CPED1: variants seen among roughly 807,000 people sequenced by gnomAD.
CPED1 encodes cadherin-like and PC-esterase domain-containing protein 1.
A neutral mutation model predicts 128.2 loss-of-function variants in CPED1; 114 were observed. The observed-to-expected ratio is 0.89, with a 90% CI of 0.76 to 1.04. The LOEUF (loss-of-function observed/expected upper bound fraction) is 1.04. Ranked by LOEUF, CPED1 falls within the 50% of genes least tolerant of loss-of-function variation. CPED1 has a pLI of 0.00. For synonymous variants in CPED1, 462 were observed against 426.7 expected (o/e 1.08, Z -1.02); for missense variants, 1,211 against 1,207.1 (o/e 1.00, Z -0.05).
chr7:121,004,609 A>G (rs1018093720), intron 2 of CPED1, among the ~76,000 whole-genome samples: 1 of 152,158 alleles, frequency 6.6e-6, no homozygotes, highest in Non-Finnish European at 1.5e-5. Flanking sequence ...CAAACTGGGC[A>G]GGATGGAGGT....
At chr7:121,040,885 G>A (rs1563002269) in intron 3 of CPED1, among the ~76,000 whole-genome samples, 1 of 151,900 alleles carries the variant, frequency 6.6e-6, no homozygotes, top group Non-Finnish European at 1.5e-5. Context: ...TATTCTAGAA[G>A]CTCTTGGACA....
chr7:121,023,637 T>C (rs1432294983), intron 3 of CPED1, among the ~76,000 whole-genome samples: 1 of 152,098 alleles, frequency 6.6e-6, no homozygotes, highest in Non-Finnish European at 1.5e-5. Context: ...AAGAGAGAAA[T>C]AGCAGTCAAG....
At chr7:121,148,596 A>G (rs1019079275) in intron 16 of CPED1, among the ~76,000 whole-genome samples, 1 of 152,176 alleles carries the variant, frequency 6.6e-6, no homozygotes, top group African/African-American at 2.4e-5. Flanking sequence ...GAACAACTAA[A>G]GAAATAGGAG....
intron 21 of CPED1, among the ~76,000 whole-genome samples, chr7:121,269,663 T>G (rs997735481): frequency 6.6e-6 from 1 of 152,094 alleles, no homozygotes; most frequent in Non-Finnish European, 1.5e-5. Context: ...ATCTGTTAAT[T>G]TTTTACTTTT....
In CPED1 at chr7:121,217,775, T is replaced by C. The variant is rs141528545; in HGVS notation, c.2056-18939T>C. Among the ~76,000 whole-genome samples the C allele has an allele frequency of 3.5e-3, 538 of 152,124 alleles. 9 individuals carry two copies. Among genetic ancestry groups the C allele is most frequent in the African/African-American group, 0.012 (512 of 41,534 alleles). On this transcript the variant is annotated intron_variant, in intron 16 of 22. Coordinates refer to ENST00000310396, the MANE Select transcript of CPED1 (RefSeq NM_024913.5). ...CTGTACCTCACAGCACCTGAAAGCC[T>C]GTATAGAAGAATTTAATATATCACT...
intron 16 of CPED1, among the ~76,000 whole-genome samples, chr7:121,225,888 T>G (rs553132171): frequency 6.6e-6 from 1 of 152,108 alleles, no homozygotes; most frequent in Non-Finnish European, 1.5e-5. Flanking sequence ...CTAACCTTTT[T>G]TCAAGGTTTT....
Position 121,132,424 on chromosome 7 carries a change from C to G in CPED1, c.1578-1399C>G, listed in dbSNP as rs112958900. The stretch of plus-strand genomic sequence containing the variant: ...AGAAAATGTCAACTTTATGGATGTA[C>G]ATTACCTGTGTTCAATGACTTCATC... On this transcript the variant is annotated intron_variant, in intron 12 of 22. Coordinates refer to ENST00000310396, the MANE Select transcript of CPED1 (RefSeq NM_024913.5). Among the ~76,000 whole-genome samples the G allele has an allele frequency of 4.8e-3, 725 of 152,066 alleles. 10 individuals are homozygous for G. Among genetic ancestry groups the G allele is most frequent in the African/African-American group, 0.016 (682 of 41,514 alleles).
At chr7:121,178,329 G>C (rs1300977888) in intron 16 of CPED1, among the ~76,000 whole-genome samples, 2 of 152,074 alleles carry the variant, frequency 1.3e-5, no homozygotes, top group African/African-American at 4.8e-5. Context: ...GAGAAAGAAA[G>C]TTACATTTTA....
In CPED1 at chr7:121,256,582, A is replaced by G. The variant is rs145423410; in HGVS notation, c.2311-9645A>G. Among the ~76,000 whole-genome samples the G allele has an allele frequency of 1.3e-5, 2 of 152,248 alleles. 1 individual carries two copies. The highest frequency in any genetic ancestry group is 2.9e-5 in the Non-Finnish European group (2 of 68,000). ...CTGGAGAGGCTGCAGAGCAAAAAGAACACTTATACACTGTTGGTGGGAATG... is the reference window on the plus strand; with the variant it reads ...CTGGAGAGGCTGCAGAGCAAAAAGAGCACTTATACACTGTTGGTGGGAATG... On this transcript the variant is annotated intron_variant, in intron 18 of 22. Coordinates refer to ENST00000310396, the MANE Select transcript of CPED1 (RefSeq NM_024913.5).
At chr7:121,127,367 G>T in intron 10 of CPED1, 110 bp downstream of exon 10, 1 of 661,628 alleles carries the variant, frequency 1.5e-6, no homozygotes. Flanking sequence ...CAAATTAATT[G>T]GTATCTATTA....
At chr7:121,056,691 T>G (rs1379998524) in intron 4 of CPED1, among the ~76,000 whole-genome samples, 1 of 152,232 alleles carries the variant, frequency 6.6e-6, no homozygotes, top group Non-Finnish European at 1.5e-5. Flanking sequence ...CTCCATTCCC[T>G]TTCCTCTTTT....
intron 4 of CPED1, chr7:121,051,472 C>T (rs1374600043): frequency 2.7e-5 from 13 of 489,358 alleles, no homozygotes; most frequent in South Asian, 2.0e-4. Context: ...TTGACTGTCT[C>T]GGGTGTCAGC....
intron 16 of CPED1, among the ~76,000 whole-genome samples, chr7:121,216,603 C>T (rs1357757): frequency 0.095 from 14,418 of 151,934 alleles, 852 homozygotes; most frequent in South Asian, 0.17. Flanking sequence ...CTATATAGAA[C>T]TCTATATAGA....
intron 3 of CPED1, among the ~76,000 whole-genome samples, chr7:121,024,856 C>T (rs531402112): frequency 2.0e-4 from 30 of 152,212 alleles, no homozygotes; most frequent in African/African-American, 7.0e-4. Context: ...CTCCTTCATA[C>T]GGGAGCTTTC....
intron 3 of CPED1, among the ~76,000 whole-genome samples, chr7:121,024,617 A>AT (rs2116839977): frequency 1.3e-5 from 2 of 152,252 alleles, no homozygotes; most frequent in East Asian, 3.9e-4. Context: ...ACTTTCTTTT[A>AT]TTTTTAAGGA....
chr7:121,105,033 C>G (rs186828463), intron 7 of CPED1, among the ~76,000 whole-genome samples: 1 of 152,088 alleles, frequency 6.6e-6, no homozygotes, highest in East Asian at 1.9e-4. Context: ...AGTTCTAAAT[C>G]ACCAGCTCTC....
At chr7:121,021,045 A>C (rs1792426050) in intron 3 of CPED1, among the ~76,000 whole-genome samples, 1 of 151,910 alleles carries the variant, frequency 6.6e-6, no homozygotes, top group Non-Finnish European at 1.5e-5. Context: ...TTAATACTAC[A>C]ATAAATAGTA....
At position 121,207,567 on chromosome 7, in the gene CPED1, T is replaced by G. The variant is rs1156506354; in HGVS notation, c.2056-29147T>G. 3.9e-5 allele frequency among the ~76,000 whole-genome samples: 6 copies of G among 152,042 alleles called. No individual in the cohort carries two copies. The East Asian group carries it at 1.2e-3, about 29-fold the overall frequency. The stretch of plus-strand genomic sequence containing the variant: ...TATTTCCAAGGAGGATATCCTTACA[T>G]GCCAAGAAGCTGGAAGAGAATTGAA... On this transcript the variant is annotated intron_variant, in intron 16 of 22. Transcript: ENST00000310396.
chr7:120,993,023 T>G (rs980606020), intron 2 of CPED1, among the ~76,000 whole-genome samples: 3 of 152,212 alleles, frequency 2.0e-5, no homozygotes, highest in African/African-American at 7.2e-5. Context: ...ATTTTTCCAT[T>G]TGAATAATGC....
Sources: allele counts gnomAD v4.1 joint callset (sites outside exome capture counted in the v4.1 genomes callset), GRCh38; gene constraint gnomAD v4.1.1; transcripts MANE v1.5; gene names NCBI Gene and HGNC (gene_info 2026-07-23, HGNC 2026-07-21).